CTNNBL1: variants seen among roughly 807,000 people sequenced by gnomAD.
CTNNBL1 encodes the protein beta-catenin-like protein 1.
CTNNBL1 carries 31 observed loss-of-function variants against 72.7 expected under a neutral mutation model. That is an observed-to-expected ratio of 0.43 (90% CI 0.32 to 0.58). The LOEUF is 0.58. Among genes scored for constraint, CTNNBL1 ranks in the 20% least tolerant of loss-of-function variants. The pLI is 0.08. For missense variants in CTNNBL1, 534 were observed against 725.1 expected, an observed-to-expected ratio of 0.74 and a Z score of 3.03; for synonymous variants, 240 against 267.3, an observed-to-expected ratio of 0.90 and a Z score of 1.00.
intron 11 of CTNNBL1, among the ~76,000 whole-genome samples, chr20:37,826,508 G>A (rs530926403): frequency 6.6e-6 from 1 of 152,172 alleles, no homozygotes; most frequent in African/African-American, 2.4e-5. Context: ...AATGGAAAAG[G>A]CATTCAAAAT....
intron 2 of CTNNBL1, among the ~76,000 whole-genome samples, 198 bp downstream of exon 2, chr20:37,733,265 CAG>C (rs2073145348): frequency 6.6e-6 from 1 of 152,042 alleles, no homozygotes; most frequent in Non-Finnish European, 1.5e-5. Context: ...AAGAATGTGA[CAG>C]AGTTTTAAAA....
At chr20:37,802,398 C>T (rs1316876265) in intron 10 of CTNNBL1, among the ~76,000 whole-genome samples, 1 of 151,990 alleles carries the variant, frequency 6.6e-6, no homozygotes, top group Admixed American at 6.6e-5. Context: ...CTTCTCAGGG[C>T]AATGAAAATG....
chr20:37,863,280 G>A (rs4811238), intron 15 of CTNNBL1, among the ~76,000 whole-genome samples: 107,063 of 151,974 alleles, frequency 0.7, 38,395 homozygotes, highest in East Asian at 0.85. Context: ...TGAAATGCAC[G>A]CTCCAGGAAC....
rs1210412996 is a variant in CTNNBL1, at chr20:37,779,480, G to A, written c.1031+145G>A. 14 of 840,722 alleles carry A rather than the reference G, an allele frequency of 1.7e-5. No individual in the cohort carries two copies. The East Asian group carries it at 3.2e-4, about 19-fold the overall frequency. 52.1% of individuals were successfully genotyped at this position (840,722 alleles called of 1,614,324 possible). ...AAGAGTAAAGTCTTCAGGCATGGGG[G>A]GATGTGTTTGTATAGGTATGTGGTC... is the stretch of plus-strand genomic sequence containing the variant. On this transcript the variant is annotated intron_variant, in intron 10 of 15. Coordinates refer to ENST00000361383, the MANE Select transcript of CTNNBL1 (RefSeq NM_030877.5).
rs2071986031 is a variant in CTNNBL1, at chr20:37,809,077, A to G, written c.1213+6029A>G. Among the ~76,000 whole-genome samples, 5 of 152,104 alleles carry G rather than the reference A, an allele frequency of 3.3e-5. No homozygotes were observed. The South Asian group carries it at 6.2e-4, about 19-fold the overall frequency. On this transcript the variant is annotated intron_variant, in intron 11 of 15. Coordinates refer to ENST00000361383, the MANE Select transcript of CTNNBL1 (RefSeq NM_030877.5). ...TGCAACCTTAATAAGTCTCTGCTTT[A>G]GTCTCCCAATTCTCATGTCCTCTCA...
chr20:37,742,607 C>T (rs989445419), intron 3 of CTNNBL1, among the ~76,000 whole-genome samples: 1 of 152,080 alleles, frequency 6.6e-6, no homozygotes, highest in African/African-American at 2.4e-5. Flanking sequence ...ATCATTATTG[C>T]CTGTCAGGAA....
chr20:37,725,363 C>G (rs2073075054), intron 1 of CTNNBL1, among the ~76,000 whole-genome samples: 1 of 151,628 alleles, frequency 6.6e-6, no homozygotes, highest in Non-Finnish European at 1.5e-5. Context: ...ATGGCGCAAT[C>G]TCAGCTCACG....
Position 37,872,024 on chromosome 20 carries a change from G to T in CTNNBL1, c.*11G>T, listed in dbSNP as rs765779485. On this transcript the variant is annotated 3_prime_UTR_variant, in exon 16 of 16. Coordinates refer to ENST00000361383, the MANE Select transcript of CTNNBL1 (RefSeq NM_030877.5). ...CTGGAGAACTTCTAGAGGCACCTTG[G>T]CCCTGCGCATCATGGACTCTCTCAG... 6.2e-7 allele frequency: 1 copy of T among 1,609,230 alleles called. No individual in the cohort carries two copies. Among genetic ancestry groups the T allele is most frequent in the Non-Finnish European group, 8.5e-7 (1 of 1,175,604 alleles).
intron 10 of CTNNBL1, among the ~76,000 whole-genome samples, chr20:37,786,141 G>A (rs1237461816): frequency 6.6e-6 from 1 of 152,154 alleles, no homozygotes; most frequent in Non-Finnish European, 1.5e-5. Flanking sequence ...GAGCTGCCTG[G>A]TGCTGGGGGA....
chr20:37,796,963 G>A (rs770054322), intron 10 of CTNNBL1, among the ~76,000 whole-genome samples: 15 of 152,170 alleles, frequency 9.9e-5, no homozygotes, highest in East Asian at 1.9e-4. Context: ...TGTGGCGGGC[G>A]GTGGGGGTGA....
At chr20:37,865,185 A>G (rs1056186265) in intron 15 of CTNNBL1, among the ~76,000 whole-genome samples, 1 of 152,148 alleles carries the variant, frequency 6.6e-6, no homozygotes, top group Non-Finnish European at 1.5e-5. Context: ...GGCTTCTAAG[A>G]TAAGTGAGAC....
intron 13 of CTNNBL1, among the ~76,000 whole-genome samples, chr20:37,848,540 G>T (rs1472119220): frequency 6.6e-6 from 1 of 152,128 alleles, no homozygotes; most frequent in Non-Finnish European, 1.5e-5. Flanking sequence ...TAAAACTTGT[G>T]ACAGGGGGCC....
At chr20:37,756,849 G>A (rs1382315270) in intron 4 of CTNNBL1, among the ~76,000 whole-genome samples, 1 of 150,626 alleles carries the variant, frequency 6.6e-6, no homozygotes, top group Non-Finnish European at 1.5e-5. Flanking sequence ...GTCTCACTAT[G>A]TTGCCCAGGC....
At chr20:37,796,943 G>A (rs1379909896) in intron 10 of CTNNBL1, among the ~76,000 whole-genome samples, 1 of 152,176 alleles carries the variant, frequency 6.6e-6, no homozygotes, top group African/African-American at 2.4e-5. Context: ...ACATGGCCAA[G>A]TGTGAAGTCT....
At position 37,757,654 on chromosome 20, in the gene CTNNBL1, C is replaced by G; in HGVS notation, c.562C>G (p.Leu188Val). 6.2e-7 allele frequency: 1 copy of G among 1,611,504 alleles called. No individual in the cohort carries two copies. The highest frequency in any genetic ancestry group is 8.5e-7 in the Non-Finnish European group (1 of 1,177,850). ...GGGAGCAGAAGTGCTCATCGATGCT[C>G]TGGTAAGTTGCACATCCTCTGGGGT... ...EEGAEVLIDALVDGQVVALLV... is the reference protein window; with the variant it reads ...EEGAEVLIDAVVDGQVVALLV... Residue 188 changes from leucine to valine, a missense_variant and splice_region_variant, in exon 5 of 16, where the codon CTG becomes GTG. Coordinates refer to ENST00000361383, the MANE Select transcript of CTNNBL1 (RefSeq NM_030877.5).
At chr20:37,746,776 C>CT in intron 4 of CTNNBL1, 169 bp downstream of exon 4, 1 of 937,058 alleles carries the variant, frequency 1.1e-6, no homozygotes, top group Non-Finnish European at 1.7e-6. Flanking sequence ...ATTTGAAAAC[C>CT]TGGTTTTTCT....
At chr20:37,857,831 C>T (rs543907814) in intron 13 of CTNNBL1, among the ~76,000 whole-genome samples, 1 of 152,258 alleles carries the variant, frequency 6.6e-6, no homozygotes, top group South Asian at 2.1e-4. Flanking sequence ...CCTTCTTAGG[C>T]CCATGGGCTA....
chr20:37,734,720 A>G (rs2073157765), intron 2 of CTNNBL1, among the ~76,000 whole-genome samples: 1 of 152,226 alleles, frequency 6.6e-6, no homozygotes, highest in African/African-American at 2.4e-5. Context: ...CTTGTAAAAT[A>G]TTATTGTCCT....
intron 11 of CTNNBL1, among the ~76,000 whole-genome samples, chr20:37,827,502 GAGA>G (rs2072170235): frequency 6.6e-6 from 1 of 152,228 alleles, no homozygotes; most frequent in African/African-American, 2.4e-5. Context: ...CAAAGTTACA[GAGA>G]AGATTTTTCT....
Sources: gnomAD v4.1 joint callset for allele counts (sites outside exome capture counted in the v4.1 genomes callset) on GRCh38, gnomAD v4.1.1 for gene constraint, MANE v1.5 for transcripts, NCBI Gene and HGNC (gene_info 2026-07-23, HGNC 2026-07-21) for gene names.